BACH2: variants seen among roughly 807,000 people sequenced by gnomAD.
BACH2 encodes transcription regulator protein BACH2.
BACH2 carries 5 observed loss-of-function variants against 61.8 expected under a neutral mutation model. The observed-to-expected ratio is 0.08, with a 90% confidence interval of 0.04 to 0.17. The LOEUF is 0.17. BACH2 is among the 10% of genes least tolerant of loss of function. The pLI is 1.00. For synonymous variants in BACH2, 446 were observed against 440.1 expected (o/e 1.01, Z -0.17); for missense variants, 824 against 1,091.1 (o/e 0.76, Z 3.45).
chr6:89,937,175 C>A (rs1436338703), intron 8 of BACH2, among the ~76,000 whole-genome samples: 1 of 152,072 alleles, frequency 6.6e-6, no homozygotes, highest in Non-Finnish European at 1.5e-5. Context: ...ATGACAGCCA[C>A]CTTGAGGCAG....
At chr6:90,179,624 C>A (rs1325413811) in intron 4 of BACH2, among the ~76,000 whole-genome samples, 1 of 152,070 alleles carries the variant, frequency 6.6e-6, no homozygotes, top group Non-Finnish European at 1.5e-5. Flanking sequence ...ATCTTCTCAT[C>A]AGAAAAATGG....
intron 6 of BACH2, among the ~76,000 whole-genome samples, chr6:90,001,974 T>G (rs1777155193): frequency 1.3e-5 from 2 of 152,214 alleles, no homozygotes; most frequent in African/African-American, 2.4e-5. Flanking sequence ...AGCCTTATTC[T>G]CTCTAGAACA....
intron 4 of BACH2, among the ~76,000 whole-genome samples, chr6:90,151,956 A>C (rs1207359956): frequency 6.6e-6 from 1 of 152,218 alleles, no homozygotes; most frequent in African/African-American, 2.4e-5. Flanking sequence ...GAATTACTTC[A>C]ACTTTGCCTC....
At position 90,245,254 on chromosome 6, in the gene BACH2, C is replaced by T. The variant is rs555312698; in HGVS notation, c.-275+7259G>A. Among the ~76,000 whole-genome samples the T allele has an allele frequency of 3.3e-5, 5 of 151,688 alleles. No individual in the cohort carries two copies. The South Asian group carries it at 1.0e-3, about 32-fold the overall frequency. ...AGTAAACTGATGAAAATTATTTAAG[C>T]ATTGCAAACTCTTCCTTAAAATACA... On this transcript the variant is annotated intron_variant, in intron 3 of 8. Coordinates refer to ENST00000257749, the MANE Select transcript of BACH2 (RefSeq NM_021813.4).
chr6:90,051,420 C>T (rs1184894632), intron 5 of BACH2, among the ~76,000 whole-genome samples: 1 of 152,100 alleles, frequency 6.6e-6, no homozygotes, highest in Admixed American at 6.6e-5. Flanking sequence ...GTTTTTAAAA[C>T]AACAATTTAT....
intron 5 of BACH2, among the ~76,000 whole-genome samples, chr6:90,076,605 T>C (rs1428487264): frequency 6.6e-6 from 1 of 152,150 alleles, no homozygotes; most frequent in African/African-American, 2.4e-5. Flanking sequence ...CCCTTTCCCT[T>C]TGCTTGTTCC....
chr6:89,972,889 G>A (rs1015974083), intron 6 of BACH2, among the ~76,000 whole-genome samples: 1 of 152,158 alleles, frequency 6.6e-6, no homozygotes, highest in East Asian at 1.9e-4. Flanking sequence ...AGGAGTTCGA[G>A]ACCAGCCTGG....
chr6:90,130,333 T>C (rs1315241278), intron 4 of BACH2, among the ~76,000 whole-genome samples: 1 of 152,194 alleles, frequency 6.6e-6, no homozygotes, highest in Non-Finnish European at 1.5e-5. Flanking sequence ...CAGGTGTTAA[T>C]GCAGCCACCA....
chr6:90,004,557 G>A (rs1582177857), intron 6 of BACH2, among the ~76,000 whole-genome samples: 3 of 152,186 alleles, frequency 2.0e-5, no homozygotes. Flanking sequence ...AGGCAGCCAC[G>A]TAAGAATAGT....
At chr6:90,025,318 C>G (rs1012599381) in intron 5 of BACH2, among the ~76,000 whole-genome samples, 1 of 152,158 alleles carries the variant, frequency 6.6e-6, no homozygotes, top group South Asian at 2.1e-4. Context: ...TGTAACCCCC[C>G]AGTTAAGAGT....
intron 5 of BACH2, among the ~76,000 whole-genome samples, chr6:90,045,527 A>C (rs143096997): frequency 6.6e-6 from 1 of 151,740 alleles, no homozygotes; most frequent in Non-Finnish European, 1.5e-5. Context: ...TTGAAGAAAC[A>C]GGCAGGTAAG....
intron 6 of BACH2, among the ~76,000 whole-genome samples, chr6:89,989,402 C>CT (rs533635463): frequency 2.2e-3 from 328 of 152,160 alleles, no homozygotes; most frequent in Non-Finnish European, 3.6e-3. Flanking sequence ...CATTTAGTAA[C>CT]TTTTTTATGC....
Position 90,142,538 on chromosome 6 carries a change from C to A in BACH2, c.-161-53429G>T, listed in dbSNP as rs188604513. 3.2e-3 allele frequency among the ~76,000 whole-genome samples: 482 copies of A among 152,196 alleles called. 7 individuals carry two copies. Among genetic ancestry groups the A allele is most frequent in the Admixed American group, 0.021 (322 of 15,280 alleles). Reference sequence around the variant, plus strand: ...TTCAGGACTATTTGCCCAAACAGTACTTTGTTATTCAAAATAAAATAATAG... The same window carrying A: ...TTCAGGACTATTTGCCCAAACAGTAATTTGTTATTCAAAATAAAATAATAG... On this transcript the variant is annotated intron_variant, in intron 4 of 8. Transcript: ENST00000257749.
intron 1 of BACH2, among the ~76,000 whole-genome samples, chr6:90,295,462 G>A (rs886790330): frequency 2.0e-5 from 3 of 152,036 alleles, no homozygotes; most frequent in African/African-American, 7.2e-5. Context: ...CTCTCCCCTC[G>A]TGGGCACCTA....
At chr6:90,276,322 C>T (rs1771689436) in intron 1 of BACH2, among the ~76,000 whole-genome samples, 2 of 152,174 alleles carry the variant, frequency 1.3e-5, no homozygotes, top group African/African-American at 4.8e-5. Context: ...CTAGGGCCAT[C>T]CTGAATGAGA....
chr6:90,289,970 A>C (rs1395460126), intron 1 of BACH2, among the ~76,000 whole-genome samples: 5 of 152,242 alleles, frequency 3.3e-5, no homozygotes, highest in Admixed American at 3.3e-4. Context: ...ATTTTTTCCA[A>C]GTATGGAAAT....
intron 7 of BACH2, among the ~76,000 whole-genome samples, chr6:89,943,832 G>A (rs896452333): frequency 6.6e-6 from 1 of 152,168 alleles, no homozygotes; most frequent in Non-Finnish European, 1.5e-5. Context: ...TGGGAGTAGG[G>A]TCACATTAGC....
At chr6:89,998,690 C>T (rs1776981225) in intron 6 of BACH2, among the ~76,000 whole-genome samples, 1 of 151,430 alleles carries the variant, frequency 6.6e-6, no homozygotes. Context: ...TTTCTTTTTT[C>T]CCTTTTTTTT....
intron 6 of BACH2, among the ~76,000 whole-genome samples, chr6:89,997,852 G>GCCCTA (rs1437112869): frequency 6.6e-6 from 1 of 152,116 alleles, no homozygotes; most frequent in African/African-American, 2.4e-5. Context: ...AGACTGCCCT[G>GCCCTA]CCCTACCCAG....
Sources: gnomAD v4.1 joint callset for allele counts (sites outside exome capture counted in the v4.1 genomes callset) on GRCh38, gnomAD v4.1.1 for gene constraint, MANE v1.5 for transcripts, NCBI Gene and HGNC (gene_info 2026-07-23, HGNC 2026-07-21) for gene names.